Variants in PLEKHA7 observed in about 807,000 individuals in gnomAD.
The protein encoded by PLEKHA7 is pleckstrin homology domain containing A7.
Under a neutral mutation model 170.0 loss-of-function variants are expected in PLEKHA7, and 104 were observed. The observed-to-expected ratio is 0.61, with a 90% confidence interval of 0.52 to 0.72. PLEKHA7 has a LOEUF of 0.72. Among genes scored for constraint, PLEKHA7 ranks in the 30% least tolerant of loss-of-function variants. PLEKHA7 has a pLI of 0.00. For synonymous variants in PLEKHA7, 648 were observed against 660.8 expected, an observed-to-expected ratio of 0.98 and a Z score of 0.30; for missense variants, 1,615 against 1,671.7, an observed-to-expected ratio of 0.97 and a Z score of 0.59.
At chr11:16,832,890 T>C (rs1851224931) in intron 9 of PLEKHA7, among the ~76,000 whole-genome samples, 1 of 152,154 alleles carries the variant, frequency 6.6e-6, no homozygotes, top group African/African-American at 2.4e-5. Flanking sequence ...TCCTGGGTCC[T>C]GAGCACTGAT....
intron 3 of PLEKHA7, among the ~76,000 whole-genome samples, chr11:16,943,977 C>T (rs1350169434): frequency 6.6e-6 from 1 of 152,164 alleles, no homozygotes; most frequent in Admixed American, 6.5e-5. Context: ...AAAGGTAGAA[C>T]CTCAGGGTCT....
At chr11:16,944,904 A>C (rs1374647439) in intron 3 of PLEKHA7, among the ~76,000 whole-genome samples, 1 of 152,214 alleles carries the variant, frequency 6.6e-6, no homozygotes, top group Non-Finnish European at 1.5e-5. Context: ...AGTTCATGTT[A>C]TTGTTAAGCC....
At chr11:16,860,045 G>C (rs1853813327) in intron 4 of PLEKHA7, among the ~76,000 whole-genome samples, 1 of 152,212 alleles carries the variant, frequency 6.6e-6, no homozygotes, top group South Asian at 2.1e-4. Context: ...GATGTGGGCT[G>C]AAGATGAAAA....
In PLEKHA7 at chr11:16,791,039, A is replaced by G; in HGVS notation, c.2906T>C (p.Leu969Pro). 1 of 1,614,064 alleles carries G rather than the reference A, an allele frequency of 6.2e-7. No homozygotes were observed. Among genetic ancestry groups the G allele is most frequent in the Non-Finnish European group, 8.5e-7 (1 of 1,180,012 alleles). ...GGAATCCCCATTCACACACTGCCCC[A>G]GCTCCCGGTCTCGCTTCCTCTCGTC... ...QSDERKRDRE[L>P]GQCVNGDSRV... Residue 969 changes from leucine (L) to proline (P), a missense_variant, in exon 20 of 27, where the codon CTG becomes CCG. Coordinates refer to ENST00000531066, the MANE Select transcript of PLEKHA7 (RefSeq NM_001329630.2). The surrounding 1 kb of genome is among the most constrained non-coding windows in gnomAD (Gnocchi z 4.5).
rs374905417 is a variant in PLEKHA7, at chr11:16,847,154, T to C, written c.696+4037A>G. Reference sequence around the variant, plus strand: ...CTCTGTCGCCCAGGCTGGAGTGCAGTGGCACGATCTCAGCTCACTGCAAGC... The same window carrying C: ...CTCTGTCGCCCAGGCTGGAGTGCAGCGGCACGATCTCAGCTCACTGCAAGC... On this transcript the variant is annotated intron_variant, in intron 8 of 26. Coordinates refer to ENST00000531066, the MANE Select transcript of PLEKHA7 (RefSeq NM_001329630.2). 7.0e-3 allele frequency among the ~76,000 whole-genome samples: 981 copies of C among 140,072 alleles called. 12 individuals carry two copies. Among genetic ancestry groups the C allele is most frequent in the African/African-American group, 0.025 (922 of 36,970 alleles). 91.9% of individuals were successfully genotyped at this position (140,072 alleles called of 152,430 possible). A position where few individuals can be genotyped will look rare whatever the true frequency, so the allele number is the denominator to read the frequency against.
intron 3 of PLEKHA7, among the ~76,000 whole-genome samples, chr11:16,976,904 G>A (rs1221168174): frequency 2.0e-5 from 3 of 152,096 alleles, no homozygotes; most frequent in African/African-American, 7.2e-5. Flanking sequence ...ATGCATACAC[G>A]TATGCTTGCA....
At chr11:16,867,471 G>A (rs1236864920) in intron 4 of PLEKHA7, among the ~76,000 whole-genome samples, 3 of 152,140 alleles carry the variant, frequency 2.0e-5, no homozygotes, top group Non-Finnish European at 4.4e-5. Flanking sequence ...AAAAAGAAAG[G>A]AGCCAGTTTT....
At chr11:16,866,417 C>T (rs950640668) in intron 4 of PLEKHA7, among the ~76,000 whole-genome samples, 7 of 151,896 alleles carry the variant, frequency 4.6e-5, no homozygotes, top group Non-Finnish European at 1.0e-4. Context: ...CATGGTGAAA[C>T]CCCGTCTCTA....
At chr11:16,806,849 T>C (rs911425730) in intron 13 of PLEKHA7, among the ~76,000 whole-genome samples, 1 of 152,132 alleles carries the variant, frequency 6.6e-6, no homozygotes, top group Non-Finnish European at 1.5e-5. Flanking sequence ...GCCCTCGCCA[T>C]GGAGGCAGAC....
intron 4 of PLEKHA7, among the ~76,000 whole-genome samples, chr11:16,860,026 T>C (rs1297751102): frequency 6.6e-6 from 1 of 152,256 alleles, no homozygotes; most frequent in Non-Finnish European, 1.5e-5. Flanking sequence ...CTGATTATTT[T>C]GCTGGAGGGA....
chr11:16,800,279 G>A (rs1283144334), intron 17 of PLEKHA7, among the ~76,000 whole-genome samples: 2 of 152,190 alleles, frequency 1.3e-5, no homozygotes, highest in African/African-American at 4.8e-5. Context: ...ACCACAGTGG[G>A]GGAACACTGG....
At chr11:16,892,445 TTTTGTTTTGTTTTG>T (rs1856709505) in intron 3 of PLEKHA7, among the ~76,000 whole-genome samples, 3 of 145,694 alleles carry the variant, frequency 2.1e-5, no homozygotes, top group Admixed American at 6.8e-5. Context: ...TTTTGTTTTG[TTTTGTTTTGTTTTG>T]TTTTGAGATA....
At chr11:16,973,743 T>C (rs1391118410) in intron 3 of PLEKHA7, among the ~76,000 whole-genome samples, 1 of 152,124 alleles carries the variant, frequency 6.6e-6, no homozygotes, top group Non-Finnish European at 1.5e-5. Flanking sequence ...CCAAAGTCCA[T>C]GCCCTCCCCT....
At chr11:17,010,599 C>T (rs1352570432) in intron 3 of PLEKHA7, among the ~76,000 whole-genome samples, 1 of 152,124 alleles carries the variant, frequency 6.6e-6, no homozygotes, top group Non-Finnish European at 1.5e-5. Flanking sequence ...GAGGAAGATT[C>T]TGTTTCTTAA....
intron 3 of PLEKHA7, among the ~76,000 whole-genome samples, chr11:16,979,307 C>A (rs889507322): frequency 4.1e-4 from 62 of 152,190 alleles, no homozygotes; most frequent in African/African-American, 1.5e-3. Flanking sequence ...GGATTACAGG[C>A]ATGAGCCACC....
intron 13 of PLEKHA7, among the ~76,000 whole-genome samples, chr11:16,809,412 T>C (rs1479131253): frequency 6.6e-6 from 1 of 151,916 alleles, no homozygotes; most frequent in Non-Finnish European, 1.5e-5. Context: ...GGTCAGCAGA[T>C]CAGATGCCAA....
intron 11 of PLEKHA7, 89 bp downstream of exon 11, chr11:16,816,711 C>T: frequency 6.8e-7 from 1 of 1,471,370 alleles, no homozygotes; most frequent in Non-Finnish European, 9.2e-7. Flanking sequence ...ATTATTATCC[C>T]AAATTACTCA....
intron 3 of PLEKHA7, among the ~76,000 whole-genome samples, chr11:16,943,254 TTTAC>T (rs1860806594): frequency 6.6e-6 from 1 of 151,808 alleles, no homozygotes; most frequent in South Asian, 2.1e-4. Flanking sequence ...ATTGCAATAC[TTTAC>T]TTTTTTTTTT....
At chr11:16,854,802 C>A in intron 6 of PLEKHA7, 87 bp downstream of exon 6, 1 of 1,140,536 alleles carries the variant, frequency 8.8e-7, no homozygotes, top group Non-Finnish European at 1.3e-6. Flanking sequence ...AGCTTATGTG[C>A]CCATCCCTAG....
Sources: gnomAD v4.1 joint callset for allele counts (sites outside exome capture counted in the v4.1 genomes callset) on GRCh38, gnomAD v4.1.1 for gene constraint, Gnocchi (gnomAD v3.1) non-coding constraint, MANE v1.5 for transcripts, NCBI Gene and HGNC (gene_info 2026-07-23, HGNC 2026-07-21) for gene names.